The following SLC40A1 variants were observed in gnomAD, a reference collection of about 807,000 sequenced individuals.
SLC40A1 encodes solute carrier family 40 member 1.
A neutral mutation model predicts 53.5 loss-of-function variants in SLC40A1; 16 were observed. The ratio of observed to expected loss-of-function variants is 0.30; its 90% CI spans 0.20 to 0.45. SLC40A1 has a LOEUF of 0.45. SLC40A1 is among the 20% of genes least tolerant of loss of function. SLC40A1 has a pLI of 1.00. For missense variants in SLC40A1, 545 were observed against 695.4 expected (o/e 0.78, Z 2.43); for synonymous variants, 247 against 253.2 (o/e 0.98, Z 0.23).
At chr2:189,572,736 T>A in intron 4 of SLC40A1, 110 bp downstream of exon 4, 2 of 748,936 alleles carry the variant, frequency 2.7e-6, no homozygotes, top group Non-Finnish European at 4.8e-6. Flanking sequence ...CAGAAATCAA[T>A]ATTAAAAGGT....
At position 189,575,439 on chromosome 2, in the gene SLC40A1, T is replaced by A. The variant is rs897239942; in HGVS notation, c.112-119A>T. 2.1e-4 allele frequency: 189 copies of A among 903,352 alleles called. 4 individuals carry two copies. In the South Asian group the frequency reaches 2.5e-3, roughly 12 times the overall value. The allele number at this position is 903,352 out of a possible 1,614,324, so 56.0% of individuals were successfully genotyped here. ...TGGCTACATTATGAGACTTTCAAAG[T>A]CAGTAATTACTCTTAGATTGAATAC... On this transcript the variant is annotated intron_variant, in intron 2 of 7. Transcript: ENST00000261024.
intron 5 of SLC40A1, among the ~76,000 whole-genome samples, chr2:189,568,412 C>T (rs567372921): frequency 1.3e-5 from 2 of 152,194 alleles, no homozygotes; most frequent in Admixed American, 6.5e-5. Flanking sequence ...TGGCGTGAAC[C>T]CAGGAGGCGG....
At chr2:189,574,122 T>C (rs1228068902) in intron 3 of SLC40A1, among the ~76,000 whole-genome samples, 4 of 152,212 alleles carry the variant, frequency 2.6e-5, no homozygotes, top group Non-Finnish European at 4.4e-5. Context: ...GAGTTGATTA[T>C]ATAGGATAAG....
intron 5 of SLC40A1, among the ~76,000 whole-genome samples, chr2:189,568,854 G>A (rs2031034015): frequency 6.6e-6 from 1 of 152,100 alleles, no homozygotes; most frequent in South Asian, 2.1e-4. Context: ...TGATGGGCAA[G>A]AAAAATCTCA....
chr2:189,579,979 T>C (rs1403362202), intron 1 of SLC40A1, 99 bp from the exon 2 acceptor site: 2 of 1,215,272 alleles, frequency 1.6e-6, no homozygotes, highest in Non-Finnish European at 2.4e-6. Flanking sequence ...ACATGATTAT[T>C]AAAAACTACT....
In SLC40A1 at chr2:189,572,846, G is replaced by A. The variant is rs11568344; in HGVS notation, c.387C>T (p.Leu129=). The part of the protein sequence containing the change: ...ELLTMYHGWV[L]TSCYILIITI... ...ATCAAGAATCTCATTGAGAACTTAC[G>A]AGAACCCATCCATGGTACATGGTCA... Residue 129 remains leucine, a splice_region_variant and synonymous_variant, in exon 4 of 8, where the codon CTC becomes CTT. Transcript: ENST00000261024. 6.1e-3 allele frequency: 9,831 copies of A among 1,600,272 alleles called. 543 individuals are homozygous for A. The African/African-American group carries it at 0.12, about 19-fold the overall frequency.
chr2:189,565,257 A>C, intron 6 of SLC40A1, 97 bp downstream of exon 6: 1 of 1,496,472 alleles, frequency 6.7e-7, no homozygotes, highest in South Asian at 1.1e-5. Context: ...CCCCACTGGT[A>C]ATAAAACCTG....
In SLC40A1 at chr2:189,575,317, C is replaced by T. The variant is rs2031255838; in HGVS notation, c.115G>A (p.Asp39Asn). 6.2e-7 allele frequency: 1 copy of T among 1,614,070 alleles called. No individual in the cohort carries two copies. The highest frequency in any genetic ancestry group is 8.5e-7 in the Non-Finnish European group (1 of 1,179,944). ...GACACCGCAAAGTGCCACATCCGATCTCCCTTAAATGAAAAGAGAAAATGT... is the reference window on the plus strand; with the variant it reads ...GACACCGCAAAGTGCCACATCCGATTTCCCTTAAATGAAAAGAGAAAATGT... ...YLGHSLSTWGDRMWHFAVSVF... is the reference protein window; with the variant it reads ...YLGHSLSTWGNRMWHFAVSVF... The change falls in exon 3 of 8, where the codon GAT becomes AAT. Residue 39 changes from aspartate (D) to asparagine (N), a missense_variant. Asp to Asn is a conservative substitution (Grantham distance 23, BLOSUM62 1). Around this residue, in one of 4 missense-constraint regions of SLC40A1, gnomAD observed 197 missense variants for 278.8 expected, o/e 0.71. Coordinates refer to ENST00000261024, the MANE Select transcript of SLC40A1 (RefSeq NM_014585.6).
chr2:189,562,061 G>T lies in SLC40A1; in HGVS notation c.1533C>A (p.Val511=). Residue 511 remains valine, a synonymous_variant, in exon 8 of 8, where the codon GTC becomes GTA. Transcript: ENST00000261024. The stretch of plus-strand genomic sequence containing the variant: ...AAGCTTCAGGATTTGGAGCCAGGAT[G>T]ACCATGATGAAATGCAGAAGATCAA... ...YLLDLLHFIM[V]ILAPNPEAFG... 1.2e-6 allele frequency: 2 copies of T among 1,614,060 alleles called. No homozygotes were observed. Among genetic ancestry groups the T allele is most frequent in the South Asian group, 2.2e-5 (2 of 91,020 alleles).
chr2:189,575,414 T>G (rs2031258459), intron 2 of SLC40A1, 94 bp from the exon 3 acceptor site: 3 of 1,198,928 alleles, frequency 2.5e-6, no homozygotes, highest in Admixed American at 1.8e-5. Flanking sequence ...GGGCACTTCC[T>G]GGCTACATTA....
chr2:189,578,490 C>A, intron 2 of SLC40A1: 1 of 370,710 alleles, frequency 2.7e-6, no homozygotes, highest in Non-Finnish European at 4.0e-6. Flanking sequence ...CCAAAGGTCA[C>A]ATAAACCATA....
At chr2:189,564,748 G>A (rs2030876429) in intron 6 of SLC40A1, among the ~76,000 whole-genome samples, 2 of 152,174 alleles carry the variant, frequency 1.3e-5, no homozygotes, top group African/African-American at 2.4e-5. Flanking sequence ...GCTGAGGCAG[G>A]AGAATGGCGT....
chr2:189,578,436 G>A (rs963753455), intron 2 of SLC40A1: 3 of 912,890 alleles, frequency 3.3e-6, no homozygotes, highest in African/African-American at 3.6e-5. Flanking sequence ...GAACAACCAC[G>A]GTGCCACTGG....
intron 1 of SLC40A1, 136 bp downstream of exon 1, chr2:189,580,282 A>G: frequency 1.0e-6 from 1 of 975,350 alleles, no homozygotes; most frequent in African/African-American, 1.6e-5. Flanking sequence ...AACGTCCACC[A>G]AATATGAGTC....
chr2:189,569,066 A>G (rs1264714040), intron 5 of SLC40A1, among the ~76,000 whole-genome samples: 1 of 152,162 alleles, frequency 6.6e-6, no homozygotes, highest in African/African-American at 2.4e-5. Context: ...AAAATAAAAC[A>G]CCTTTTCTGG....
In SLC40A1 at chr2:189,572,779, C is replaced by A. The variant is rs898817651; in HGVS notation, c.387+67G>T. Reference sequence around the variant, plus strand: ...GCCAAAAAAAAAAATAGCTTCAAAGCATTTTCATCCTTTACCACTACCAGA... The same window carrying A: ...GCCAAAAAAAAAAATAGCTTCAAAGAATTTTCATCCTTTACCACTACCAGA... On this transcript the variant is annotated intron_variant, in intron 4 of 7. Transcript: ENST00000261024. 20 of 1,151,430 alleles carry A rather than the reference C, an allele frequency of 1.7e-5. No homozygotes were observed. In the Middle Eastern group the frequency reaches 5.9e-4, roughly 34 times the overall value. 71.3% of individuals were successfully genotyped at this position (1,151,430 alleles called of 1,614,324 possible).
At position 189,564,116 on chromosome 2, in the gene SLC40A1, C is replaced by A. The variant is rs1242646094; in HGVS notation, c.870G>T (p.Glu290Asp). 6.2e-7 allele frequency: 1 copy of A among 1,611,158 alleles called. No homozygotes were observed. Among genetic ancestry groups the A allele is most frequent in the East Asian group, 2.2e-5 (1 of 44,860 alleles). Residue 290 changes from glutamate (E) to aspartate (D), a missense_variant, in exon 7 of 8, where the codon GAG becomes GAT. Around this residue, in one of 4 missense-constraint regions of SLC40A1, gnomAD observed 107 missense variants for 91.0 expected, o/e 1.18. Coordinates refer to ENST00000261024, the MANE Select transcript of SLC40A1 (RefSeq NM_014585.6). ...QEPTCASQMA[E>D]PFRTFRDGWV... The stretch of plus-strand genomic sequence containing the variant: ...ATCCATCTCGGAAGGTACGGAAGGG[C>A]TCAGCCATCTGGGAGGCACAAGTAG...
In SLC40A1 at chr2:189,565,559, G is replaced by A. The variant is rs1298816823; in HGVS notation, c.555C>T (p.Asn185=). ...GGCCAACAGCCATGGGGGCTAAGAT[G>A]TTGGTTAACTGGTCAATCCTTCGTA... is the stretch of plus-strand genomic sequence containing the variant. ...ATIRRIDQLT[N]ILAPMAVGQI... is the part of the protein sequence containing the mutation. Residue 185 remains asparagine, a synonymous_variant, in exon 6 of 8, where the codon AAC becomes AAT. Coordinates refer to ENST00000261024, the MANE Select transcript of SLC40A1 (RefSeq NM_014585.6). 7 of 1,614,230 alleles carry A rather than the reference G, an allele frequency of 4.3e-6. No homozygotes were observed. The Admixed American group carries it at 6.7e-5, about 15-fold the overall frequency.
rs940751589 is a variant in SLC40A1 at position 189,579,276 on chromosome 2, A to G, written c.111+537T>C. Among the ~76,000 whole-genome samples, 37 of 152,194 alleles carry G rather than the reference A, an allele frequency of 2.4e-4. 1 individual carries two copies. The highest frequency in any genetic ancestry group is 2.4e-3 in the Admixed American group (37 of 15,274). On this transcript the variant is annotated intron_variant, in intron 2 of 7. Coordinates refer to ENST00000261024, the MANE Select transcript of SLC40A1 (RefSeq NM_014585.6). Reference sequence around the variant, plus strand: ...TTATCTAACTATAGATAACATTTTTAAAGACCAGAATTTTTGTCACTCAGA... The same window carrying G: ...TTATCTAACTATAGATAACATTTTTGAAGACCAGAATTTTTGTCACTCAGA...
Sources: gnomAD v4.1 joint callset for allele counts (sites outside exome capture counted in the v4.1 genomes callset) on GRCh38, gnomAD v4.1.1 for gene constraint, gnomAD v4.1.1 regional missense constraint, MANE v1.5 for transcripts, NCBI Gene and HGNC (gene_info 2026-07-23, HGNC 2026-07-21) for gene names.